Variants in GREB1 observed in about 807,000 individuals in gnomAD.
GREB1 encodes growth regulating estrogen receptor binding 1, also known as protein GREB1.
A neutral mutation model predicts 200.7 loss-of-function variants in GREB1; 106 were observed. The ratio of observed to expected loss-of-function variants is 0.53; its 90% CI spans 0.45 to 0.62. The LOEUF is 0.62. GREB1 is among the 20% of genes least tolerant of loss of function. The pLI is 0.00. For synonymous variants in GREB1, 1,132 were observed against 1,092.4 expected, an observed-to-expected ratio of 1.04 and a Z score of -0.72; for missense variants, 2,243 against 2,556.8, an observed-to-expected ratio of 0.88 and a Z score of 2.65.
At chr2:11,552,846 C>G (rs942088586) in intron 1 of GREB1, among the ~76,000 whole-genome samples, 1 of 151,946 alleles carries the variant, frequency 6.6e-6, no homozygotes, top group Non-Finnish European at 1.5e-5. Flanking sequence ...CCCGTCTCTA[C>G]TAAAAATACA....
rs1481424990 is a variant in GREB1, at chr2:11,610,879, G to A, written c.2858G>A (p.Arg953Gln). The A allele has an allele frequency of 4.3e-6, 7 of 1,613,178 alleles. No homozygotes were observed. The highest frequency in any genetic ancestry group is 2.2e-5 in the East Asian group (1 of 44,884). Residue 953 changes from arginine (R) to glutamine (Q), a missense_variant, in exon 18 of 33, where the codon CGG becomes CAG. Around this residue, in one of 3 missense-constraint regions of GREB1, gnomAD observed 1,178 missense variants for 1,387.4 expected, o/e 0.85. Coordinates refer to ENST00000381486, the MANE Select transcript of GREB1 (RefSeq NM_014668.4). ...PCGHGLMVLL[R>Q]VPCSPLAVVA... ...GGCCACGGGCTCATGGTCCTGCTGCGGGTGCCCTGTTCGCCCCTGGCGGTG... is the reference window on the plus strand; with the variant it reads ...GGCCACGGGCTCATGGTCCTGCTGCAGGTGCCCTGTTCGCCCCTGGCGGTG...
chr2:11,574,786 C>T (rs1430091656), intron 4 of GREB1, among the ~76,000 whole-genome samples: 1 of 152,176 alleles, frequency 6.6e-6, no homozygotes, highest in East Asian at 1.9e-4. Context: ...CAAGAATGGC[C>T]CTGGTTCCCT....
At chr2:11,607,233 G>A (rs1682386445) in intron 17 of GREB1, among the ~76,000 whole-genome samples, 1 of 151,552 alleles carries the variant, frequency 6.6e-6, no homozygotes, top group Non-Finnish European at 1.5e-5. Flanking sequence ...ACAGGTGCAT[G>A]CCACCATGCC....
intron 6 of GREB1, among the ~76,000 whole-genome samples, chr2:11,579,642 G>A (rs1679256254): frequency 6.6e-6 from 1 of 152,182 alleles, no homozygotes; most frequent in African/African-American, 2.4e-5. Flanking sequence ...GGAGGTGGTG[G>A]AACTGGCTCA....
At chr2:11,547,556 T>G (rs2147791878) in intron 1 of GREB1, among the ~76,000 whole-genome samples, 1 of 152,324 alleles carries the variant, frequency 6.6e-6, no homozygotes, top group East Asian at 1.9e-4. Flanking sequence ...TTCCCTGCCT[T>G]TCATTTATTT....
At chr2:11,565,522 G>T (rs545762330) in intron 3 of GREB1, among the ~76,000 whole-genome samples, 8 of 152,352 alleles carry the variant, frequency 5.3e-5, no homozygotes, top group African/African-American at 1.9e-4. Context: ...AAGCACAGGA[G>T]ATGGGGCTGG....
chr2:11,563,820 A>G (rs1677332896), intron 3 of GREB1, among the ~76,000 whole-genome samples: 1 of 152,194 alleles, frequency 6.6e-6, no homozygotes, highest in Admixed American at 6.5e-5. Context: ...GTAATTATTG[A>G]ACTCTTTGCT....
rs901620347 is a variant in GREB1, at chr2:11,593,074, C to G, written c.1644C>G (p.Val548=). 1 of 1,611,804 alleles carries G rather than the reference C, an allele frequency of 6.2e-7. No homozygotes were observed. Among genetic ancestry groups the G allele is most frequent in the African/African-American group, 1.3e-5 (1 of 74,878 alleles). Residue 548 remains valine (V), a synonymous_variant, in exon 11 of 33, where the codon GTC becomes GTG. Coordinates refer to ENST00000381486, the MANE Select transcript of GREB1 (RefSeq NM_014668.4). ...EGKLAKTNYV[V]IICACRSAAI... is the part of the protein sequence containing the mutation. ...AGCTTGCCAAGACCAACTACGTGGTCATCATCTGCGCCTGCCGCAGCGCGG... is the reference window on the plus strand; with the variant it reads ...AGCTTGCCAAGACCAACTACGTGGTGATCATCTGCGCCTGCCGCAGCGCGG...
chr2:11,612,388 T>A, intron 18 of GREB1, 107 bp from the exon 19 acceptor site: 1 of 1,453,674 alleles, frequency 6.9e-7, no homozygotes. Flanking sequence ...TCAGAAGATA[T>A]AGTTCAAGGA....
intron 4 of GREB1, among the ~76,000 whole-genome samples, chr2:11,570,233 A>T (rs1004426854): frequency 6.6e-6 from 1 of 151,932 alleles, no homozygotes; most frequent in East Asian, 1.9e-4. Context: ...GCGTGGTGAA[A>T]CCCTGTCTCT....
At chr2:11,565,587 G>C (rs1677548303) in intron 3 of GREB1, among the ~76,000 whole-genome samples, 1 of 152,230 alleles carries the variant, frequency 6.6e-6, no homozygotes, top group African/African-American at 2.4e-5. Flanking sequence ...ATTAGTCTCA[G>C]CTGGCTCTCT....
At chr2:11,577,142 A>C (rs1678946201) in intron 5 of GREB1, among the ~76,000 whole-genome samples, 1 of 152,108 alleles carries the variant, frequency 6.6e-6, no homozygotes, top group African/African-American at 2.4e-5. Context: ...ATCTCCCCAG[A>C]TTGAGTGGTT....
chr2:11,484,799 C>A (rs1309801526), intron 1 of GREB1, among the ~76,000 whole-genome samples: 3 of 152,174 alleles, frequency 2.0e-5, no homozygotes, highest in African/African-American at 7.2e-5. Flanking sequence ...AAACTAAATT[C>A]TGTCTTGGCC....
intron 17 of GREB1, among the ~76,000 whole-genome samples, chr2:11,609,095 AT>A (rs1426728221): frequency 6.6e-6 from 1 of 152,074 alleles, no homozygotes; most frequent in South Asian, 2.1e-4. Context: ...CAGTTGTTTC[AT>A]TTATGTGTTC....
intron 1 of GREB1, among the ~76,000 whole-genome samples, chr2:11,506,637 C>T (rs967646899): frequency 7.9e-5 from 12 of 152,172 alleles, no homozygotes; most frequent in South Asian, 2.1e-4. Flanking sequence ...CATACAGTCC[C>T]GTCTTCCCTT....
rs201163798 is a variant in GREB1, at chr2:11,548,352, AC to A, written c.-161-8098del. 1.4e-5 allele frequency among the ~76,000 whole-genome samples: 2 copies of A among 145,284 alleles called. No homozygotes were observed. The highest frequency in any genetic ancestry group is 2.9e-5 in the Non-Finnish European group (2 of 67,972). On this transcript the variant is annotated intron_variant, in intron 1 of 32. Transcript: ENST00000381486. This position sits in a 1 kb window ranked among gnomAD's most constrained non-coding sequence, Gnocchi z 5.1. ...CCCAGACACGTGCACACATGCATAT[AC>A]CCCAACACAGATGCACACACATACA...
Position 11,635,252 on chromosome 2 carries a change from TCC to T in GREB1, c.5211-17_5211-16del, listed in dbSNP as rs1685217521. 6.2e-7 allele frequency: 1 copy of T among 1,612,896 alleles called. No individual in the cohort carries two copies. Among genetic ancestry groups the T allele is most frequent in the African/African-American group, 1.3e-5 (1 of 74,894 alleles). ...AGCTGTGCCCCATCAGACCCACCCC[TCC>T]TCTGGCCCTGAGTAGGTTCCTGTGT... On this transcript the variant is annotated splice_polypyrimidine_tract_variant and intron_variant, in intron 29 of 32. Coordinates refer to ENST00000381486, the MANE Select transcript of GREB1 (RefSeq NM_014668.4).
intron 1 of GREB1, among the ~76,000 whole-genome samples, chr2:11,525,508 A>AG (rs574743736): frequency 2.6e-5 from 4 of 151,598 alleles, no homozygotes; most frequent in East Asian, 1.9e-4. Flanking sequence ...AAAAAAAAAA[A>AG]AAAAAAAAAG....
At chr2:11,638,105 C>T (rs1321195288) in intron 31 of GREB1, among the ~76,000 whole-genome samples, 189 bp downstream of exon 31, 1 of 152,190 alleles carries the variant, frequency 6.6e-6, no homozygotes, top group Non-Finnish European at 1.5e-5. Flanking sequence ...GATAGGAAGC[C>T]AGCCCAATTC....
Sources: allele counts gnomAD v4.1 joint callset (sites outside exome capture counted in the v4.1 genomes callset), GRCh38; gene constraint gnomAD v4.1.1; regional missense constraint gnomAD v4.1.1; non-coding constraint Gnocchi (gnomAD v3.1); transcripts MANE v1.5; gene names NCBI Gene and HGNC (gene_info 2026-07-23, HGNC 2026-07-21).